Variants in PPARGC1A observed in about 807,000 individuals in gnomAD.
PPARGC1A encodes PPARG coactivator 1 alpha, also known as peroxisome proliferator-activated receptor gamma coactivator 1-alpha.
PPARGC1A carries 25 observed loss-of-function variants against 88.7 expected under a neutral mutation model. The observed-to-expected ratio is 0.28, with a 90% CI of 0.21 to 0.39. The LOEUF (loss-of-function observed/expected upper bound fraction) is 0.39, where lower values mean the gene tolerates loss of function less well. PPARGC1A is among the 10% of genes least tolerant of loss of function. The probability of loss-of-function intolerance (pLI) is 1.00; values close to 1 mark genes in which losing one functional copy is unlikely to be tolerated. For synonymous variants in PPARGC1A, 363 were observed against 355.6 expected, an observed-to-expected ratio of 1.02 and a Z score of -0.24; for missense variants, 880 against 968.7, an observed-to-expected ratio of 0.91 and a Z score of 1.22.
the PPARGC1A span, among the ~76,000 whole-genome samples, chr4:24,311,620 A>G: frequency 6.6e-6 from 1 of 151,914 alleles, no homozygotes; most frequent in Non-Finnish European, 1.5e-5. Flanking sequence ...AGTCTGGGTG[A>G]CAGAGCAAGA....
chr4:24,018,137 G>T, the PPARGC1A span, among the ~76,000 whole-genome samples: 1 of 152,210 alleles, frequency 6.6e-6, no homozygotes, highest in East Asian at 1.9e-4. Context: ...CCTGAGGTAT[G>T]AATATAAATA....
the PPARGC1A span, among the ~76,000 whole-genome samples, chr4:24,274,679 T>A: frequency 6.6e-6 from 1 of 152,234 alleles, no homozygotes; most frequent in East Asian, 1.9e-4. Context: ...GCAGCTAGAT[T>A]TGTCTTATCT....
intron 1 of PPARGC1A, chr4:23,889,089 C>T: frequency 1.0e-6 from 1 of 985,336 alleles, no homozygotes; most frequent in Non-Finnish European, 1.2e-6. Flanking sequence ...GTTATTTTCC[C>T]CCCTGTATGA....
At position 23,793,456 on chromosome 4, in the gene PPARGC1A, G is replaced by T; in HGVS notation, c.*2366C>A. 6.6e-6 allele frequency: 1 copy of T among 152,572 alleles called. No individual in the cohort carries two copies. 9.5% of individuals were successfully genotyped at this position (152,572 alleles called of 1,614,324 possible). On this transcript the variant is annotated 3_prime_UTR_variant, in exon 13 of 13. Coordinates refer to ENST00000264867, the MANE Select transcript of PPARGC1A (RefSeq NM_013261.5). ...AGTGGATTCACTCAGAACACAATAT[G>T]CTGGTGATAAATGAATGCAGCTATC...
intron 10 of PPARGC1A, among the ~76,000 whole-genome samples, chr4:23,808,034 G>T (rs943621657): frequency 6.6e-6 from 1 of 151,902 alleles, no homozygotes; most frequent in Non-Finnish European, 1.5e-5. Context: ...GGCAGATCAC[G>T]AGGTCAGGAG....
At chr4:24,098,074 ACAAGT>A in the PPARGC1A span, among the ~76,000 whole-genome samples, 1 of 152,256 alleles carries the variant, frequency 6.6e-6, no homozygotes, top group African/African-American at 2.4e-5. Flanking sequence ...TTTTCATGAA[ACAAGT>A]CAAATGATTT....
At chr4:23,910,638 C>A in the PPARGC1A span, among the ~76,000 whole-genome samples, 9 of 150,252 alleles carry the variant, frequency 6.0e-5, no homozygotes, top group Non-Finnish European at 1.3e-4. Flanking sequence ...TGGGGTTTCA[C>A]CATATTGGCC....
the PPARGC1A span, among the ~76,000 whole-genome samples, chr4:24,355,772 G>A: frequency 1.3e-5 from 2 of 152,112 alleles, no homozygotes; most frequent in Non-Finnish European, 2.9e-5. Flanking sequence ...GGAAGTGCGA[G>A]GGGGAGGAAG....
chr4:23,799,465 C>T (rs1251555594), intron 12 of PPARGC1A, among the ~76,000 whole-genome samples: 2 of 152,162 alleles, frequency 1.3e-5, no homozygotes, highest in Admixed American at 6.5e-5. Context: ...GAATTCTTTG[C>T]CCAACGGCAG....
the PPARGC1A span, among the ~76,000 whole-genome samples, chr4:24,090,909 T>C: frequency 6.6e-6 from 1 of 152,264 alleles, no homozygotes; most frequent in African/African-American, 2.4e-5. Context: ...CACATTTTAA[T>C]GAAAACTGCT....
the PPARGC1A span, among the ~76,000 whole-genome samples, chr4:24,049,308 G>GTA: frequency 0.055 from 7,666 of 139,468 alleles, 356 homozygotes; most frequent in African/African-American, 0.13. Flanking sequence ...ATATATGTGT[G>GTA]TATATATATA....
chr4:23,995,944 G>T, the PPARGC1A span, among the ~76,000 whole-genome samples: 1 of 152,142 alleles, frequency 6.6e-6, no homozygotes, highest in African/African-American at 2.4e-5. Flanking sequence ...ATTCTCACCA[G>T]CCTTCCAAAG....
the PPARGC1A span, among the ~76,000 whole-genome samples, chr4:24,118,852 T>G: frequency 2.6e-5 from 4 of 152,074 alleles, no homozygotes; most frequent in East Asian, 7.7e-4. Flanking sequence ...CAATGAAACA[T>G]TTTCTAAGTC....
At chr4:24,282,712 C>A in the PPARGC1A span, among the ~76,000 whole-genome samples, 1 of 152,194 alleles carries the variant, frequency 6.6e-6, no homozygotes, top group Non-Finnish European at 1.5e-5. Flanking sequence ...CAGGCACAGT[C>A]CTGTGAGTCA....
the PPARGC1A span, among the ~76,000 whole-genome samples, chr4:24,267,472 A>G: frequency 6.6e-6 from 1 of 152,144 alleles, no homozygotes; most frequent in South Asian, 2.1e-4. Flanking sequence ...TCATTTTTAT[A>G]TCAACAAGCT....
At chr4:24,221,602 G>C in the PPARGC1A span, among the ~76,000 whole-genome samples, 1 of 152,100 alleles carries the variant, frequency 6.6e-6, no homozygotes, top group Non-Finnish European at 1.5e-5. Context: ...TAGTACAGAG[G>C]AAATGTATAA....
the PPARGC1A span, among the ~76,000 whole-genome samples, chr4:24,392,915 T>C: frequency 3.9e-5 from 6 of 152,106 alleles, no homozygotes; most frequent in African/African-American, 1.2e-4. Context: ...TAGATTACCA[T>C]TATCTTTGGT....
At chr4:23,941,000 C>T in the PPARGC1A span, among the ~76,000 whole-genome samples, 1 of 152,118 alleles carries the variant, frequency 6.6e-6, no homozygotes, top group Admixed American at 6.6e-5. Flanking sequence ...TAAACAGATA[C>T]CTTGTCAAAA....
At chr4:23,799,057 G>T (rs1718162917) in intron 12 of PPARGC1A, among the ~76,000 whole-genome samples, 1 of 152,026 alleles carries the variant, frequency 6.6e-6, no homozygotes, top group South Asian at 2.1e-4. Flanking sequence ...TTCCTGTCTT[G>T]GTAAAACTAA....
Sources: allele counts gnomAD v4.1 joint callset (sites outside exome capture counted in the v4.1 genomes callset), GRCh38; gene constraint gnomAD v4.1.1; transcripts MANE v1.5; gene names NCBI Gene and HGNC (gene_info 2026-07-23, HGNC 2026-07-21).